Variants in PRTG observed in about 807,000 individuals in gnomAD.
PRTG encodes protogenin, also known as immunoglobulin superfamily, DCC subclass, member 5.
Under a neutral mutation model 122.5 loss-of-function variants are expected in PRTG, and 67 were observed. That is an observed-to-expected ratio of 0.55 (90% CI 0.45 to 0.67). PRTG has a LOEUF of 0.67. Among genes scored for constraint, PRTG ranks in the 30% least tolerant of loss-of-function variants. The pLI is 0.00. For missense variants in PRTG, 1,435 were observed against 1,415.4 expected (o/e 1.01, Z -0.22); for synonymous variants, 554 against 501.1 (o/e 1.11, Z -1.41).
chr15:55,703,779 T>C (rs1280691444), intron 2 of PRTG, among the ~76,000 whole-genome samples: 2 of 152,212 alleles, frequency 1.3e-5, no homozygotes, highest in African/African-American at 4.8e-5. Flanking sequence ...TTAAAAACTA[T>C]TCTGTCTCCA....
At chr15:55,639,033 G>A (rs1240392635) in intron 13 of PRTG, among the ~76,000 whole-genome samples, 2 of 152,020 alleles carry the variant, frequency 1.3e-5, no homozygotes, top group Non-Finnish European at 2.9e-5. Flanking sequence ...GTGCAGTAGT[G>A]GGATCATAGC....
chr15:55,637,900 A>C (rs1342898949), intron 14 of PRTG, among the ~76,000 whole-genome samples: 8 of 152,204 alleles, frequency 5.3e-5, no homozygotes, highest in African/African-American at 1.9e-4. Context: ...AAAAGTGTGA[A>C]GAGCTGGTTT....
chr15:55,733,561 T>A (rs1361189581), intron 2 of PRTG, among the ~76,000 whole-genome samples: 1 of 150,374 alleles, frequency 6.7e-6, no homozygotes, highest in African/African-American at 2.5e-5. Flanking sequence ...GCACGATGGT[T>A]CATGCCTATA....
rs1312334126 is a variant in PRTG at position 55,627,026 on chromosome 15, A to T, written c.2909T>A (p.Ile970Lys). ...AACACACCTGGCTTTACTTCGGTAT[A>T]TCAAGATGAGAACACAGATGAGGAT... ...TCILICVLIL[I>K]YRSKARKSSA... is the part of the protein sequence containing the mutation. The change falls in exon 17 of 20, where the codon ATA becomes AAA. Residue 970 changes from isoleucine to lysine, a missense_variant. Ile to Lys is a moderately radical substitution (Grantham distance 102). Coordinates refer to ENST00000389286, the MANE Select transcript of PRTG (RefSeq NM_173814.6). 3.1e-6 allele frequency: 5 copies of T among 1,609,164 alleles called. No homozygotes were observed.
intron 11 of PRTG, among the ~76,000 whole-genome samples, chr15:55,665,171 A>G (rs1407120918): frequency 6.6e-6 from 1 of 152,006 alleles, no homozygotes; most frequent in Non-Finnish European, 1.5e-5. Context: ...GAGGGAGGAG[A>G]ATGGTGTGAA....
rs146991006 is a variant in PRTG, at chr15:55,724,354, C to T, written c.397+16028G>A. Reference sequence around the variant, plus strand: ...TATTTCCTTCATATATTTTGGGACTCTGCTGTTTGGGTGAATATAATGTAT... The same window carrying T: ...TATTTCCTTCATATATTTTGGGACTTTGCTGTTTGGGTGAATATAATGTAT... On this transcript the variant is annotated intron_variant, in intron 2 of 19. Transcript: ENST00000389286. 1.4e-4 allele frequency among the ~76,000 whole-genome samples: 22 copies of T among 152,234 alleles called. 1 individual carries two copies. The highest frequency in any genetic ancestry group is 2.8e-4 in the Non-Finnish European group (19 of 68,028).
chr15:55,655,949 G>T (rs932832093), intron 11 of PRTG: 1 of 153,348 alleles, frequency 6.5e-6, no homozygotes, highest in African/African-American at 2.4e-5. Flanking sequence ...ACATTTTAAT[G>T]TATTTGCTTT....
At chr15:55,720,120 T>C (rs2030757295) in intron 2 of PRTG, among the ~76,000 whole-genome samples, 2 of 151,798 alleles carry the variant, frequency 1.3e-5, no homozygotes, top group African/African-American at 2.4e-5. Context: ...GGCTCACACC[T>C]GTAATCCCAG....
At chr15:55,736,830 T>C (rs2031427662) in intron 2 of PRTG, among the ~76,000 whole-genome samples, 1 of 152,180 alleles carries the variant, frequency 6.6e-6, no homozygotes, top group South Asian at 2.1e-4. Flanking sequence ...AAGACTTCAG[T>C]TTCCACCTTT....
At chr15:55,679,539 T>C (rs76111246) in intron 6 of PRTG, 94 bp from the exon 7 acceptor site, 84,468 of 888,092 alleles carry the variant, frequency 0.095, 4,663 homozygotes, top group Non-Finnish European at 0.11. Flanking sequence ...ACAAGCCCCA[T>C]TCCTGAAGAT....
intron 2 of PRTG, among the ~76,000 whole-genome samples, chr15:55,697,346 C>T (rs2059637367): frequency 6.6e-6 from 1 of 152,214 alleles, no homozygotes; most frequent in Admixed American, 6.5e-5. Flanking sequence ...GCCCTGCATA[C>T]AACAGGCACT....
At chr15:55,693,739 A>G (rs1226382610) in intron 2 of PRTG, among the ~76,000 whole-genome samples, 1 of 152,216 alleles carries the variant, frequency 6.6e-6, no homozygotes, top group Non-Finnish European at 1.5e-5. Flanking sequence ...CATTGTAAGA[A>G]TAACATTAAA....
chr15:55,651,175 A>G (rs967428410), intron 11 of PRTG, among the ~76,000 whole-genome samples: 1 of 152,070 alleles, frequency 6.6e-6, no homozygotes, highest in African/African-American at 2.4e-5. Flanking sequence ...CCTTCCAAAG[A>G]ATGGCATCCA....
chr15:55,622,633 C>T (rs961004400), intron 18 of PRTG, among the ~76,000 whole-genome samples: 4 of 151,798 alleles, frequency 2.6e-5, no homozygotes, highest in East Asian at 3.9e-4. Context: ...CCTCGTGATC[C>T]GCCCGCCTTG....
At chr15:55,639,121 A>AC (rs1216973624) in intron 13 of PRTG, among the ~76,000 whole-genome samples, 25 of 152,170 alleles carry the variant, frequency 1.6e-4, no homozygotes, top group Admixed American at 1.6e-3. Context: ...ACAGGCATGC[A>AC]CCACTATACC....
chr15:55,701,824 T>C (rs1004846640), intron 2 of PRTG, among the ~76,000 whole-genome samples: 1 of 152,236 alleles, frequency 6.6e-6, no homozygotes, highest in Non-Finnish European at 1.5e-5. Flanking sequence ...AAATGCATTA[T>C]GCTGAGTAAA....
chr15:55,657,944 T>A (rs1237052396), intron 11 of PRTG, among the ~76,000 whole-genome samples: 1 of 152,220 alleles, frequency 6.6e-6, no homozygotes, highest in Non-Finnish European at 1.5e-5. Flanking sequence ...CTTAATACCA[T>A]CACACGGAGA....
intron 2 of PRTG, among the ~76,000 whole-genome samples, chr15:55,715,480 G>A (rs934273511): frequency 1.8e-4 from 28 of 152,214 alleles, no homozygotes; most frequent in Admixed American, 4.6e-4. Context: ...CTGAGCAGAC[G>A]TGGGGCCTTG....
intron 17 of PRTG, among the ~76,000 whole-genome samples, chr15:55,625,644 G>C (rs1176614652): frequency 2.0e-5 from 3 of 146,578 alleles, no homozygotes; most frequent in Admixed American, 6.7e-5. Flanking sequence ...TTTTTTTTGA[G>C]ATGGAGTATT....
Sources: gnomAD v4.1 joint callset for allele counts (sites outside exome capture counted in the v4.1 genomes callset) on GRCh38, gnomAD v4.1.1 for gene constraint, MANE v1.5 for transcripts, NCBI Gene and HGNC (gene_info 2026-07-23, HGNC 2026-07-21) for gene names.